Variants in GLO1 observed in about 807,000 individuals in gnomAD.
GLO1 encodes glyoxalase I, also known as lactoylglutathione lyase.
Under a neutral mutation model 26.0 loss-of-function variants are expected in GLO1, and 28 were observed. The ratio of observed to expected loss-of-function variants is 1.08; its 90% CI spans 0.80 to 1.48. GLO1 has a LOEUF of 1.48. GLO1 is among the 40% of genes most tolerant of loss of function. The probability of loss-of-function intolerance (pLI) is 0.00; values close to 1 mark genes in which losing one functional copy is unlikely to be tolerated. For synonymous variants in GLO1, 78 were observed against 77.6 expected, an observed-to-expected ratio of 1.00 and a Z score of -0.03; for missense variants, 225 against 224.8, an observed-to-expected ratio of 1.00 and a Z score of -0.01.
At position 38,686,960 on chromosome 6, in the gene GLO1, C is replaced by T. The variant is rs768570333; in HGVS notation, c.99G>A (p.Gln33=). 3.7e-6 allele frequency: 6 copies of T among 1,602,894 alleles called. No homozygotes were observed. In the Admixed American group the frequency reaches 5.0e-5, roughly 13 times the overall value. ...ADPSTKDFLL[Q]QTMLRVKDPK... is the part of the protein sequence containing the mutation. ...GATCCTTCACTCGTAGCATGGTCTGCTGCAATAGAAAATCCTATGGAAAAA... is the reference window on the plus strand; with the variant it reads ...GATCCTTCACTCGTAGCATGGTCTGTTGCAATAGAAAATCCTATGGAAAAA... Residue 33 remains glutamine, a synonymous_variant, in exon 2 of 6, where the codon CAG becomes CAA. Transcript: ENST00000373365.
intron 1 of GLO1, among the ~76,000 whole-genome samples, chr6:38,688,881 G>A (rs544932747): frequency 1.3e-5 from 2 of 152,340 alleles, no homozygotes; most frequent in Admixed American, 6.5e-5. Flanking sequence ...TTACTGAGGT[G>A]GATTCAATGT....
chr6:38,702,888 C>A (rs1243597426), intron 1 of GLO1, 83 bp downstream of exon 1: 3 of 757,070 alleles, frequency 4.0e-6, no homozygotes, highest in Admixed American at 5.1e-5. Context: ...CCTGCAGCGG[C>A]GGCGGGATGG....
At chr6:38,688,953 A>G (rs543649344) in intron 1 of GLO1, among the ~76,000 whole-genome samples, 101 of 152,354 alleles carry the variant, frequency 6.6e-4, no homozygotes, top group African/African-American at 2.3e-3. Context: ...CAAAGAAAGT[A>G]GAAGAGGAGT....
chr6:38,689,277 T>C (rs1050868402), intron 1 of GLO1, among the ~76,000 whole-genome samples: 1 of 152,234 alleles, frequency 6.6e-6, no homozygotes, highest in Non-Finnish European at 1.5e-5. Context: ...TATGGAATTA[T>C]GAGATAATAT....
At chr6:38,682,534 A>G (rs1303468916) in intron 4 of GLO1, among the ~76,000 whole-genome samples, 1 of 151,608 alleles carries the variant, frequency 6.6e-6, no homozygotes, top group African/African-American at 2.4e-5. Flanking sequence ...AGTATTAACT[A>G]CAGCTTTTTT....
chr6:38,697,301 C>T (rs183421569), intron 1 of GLO1, among the ~76,000 whole-genome samples: 3 of 152,322 alleles, frequency 2.0e-5, no homozygotes, highest in Admixed American at 6.5e-5. Flanking sequence ...TTACTCAAAA[C>T]GGTATCTGTT....
At chr6:38,677,802 T>A (rs1254990115) in intron 5 of GLO1, among the ~76,000 whole-genome samples, 1 of 152,182 alleles carries the variant, frequency 6.6e-6, no homozygotes, top group African/African-American at 2.4e-5. Context: ...AAAATTCTTA[T>A]TGTCAGAAAA....
intron 5 of GLO1, among the ~76,000 whole-genome samples, chr6:38,681,210 C>A (rs937123786): frequency 3.3e-5 from 5 of 152,010 alleles, no homozygotes; most frequent in South Asian, 2.1e-4. Flanking sequence ...CTATAGGCGC[C>A]CACCACCATG....
At chr6:38,694,910 G>A (rs940588603) in intron 1 of GLO1, among the ~76,000 whole-genome samples, 14 of 152,110 alleles carry the variant, frequency 9.2e-5, no homozygotes, top group African/African-American at 3.1e-4. Context: ...CTGATATCAA[G>A]ATAGCCACTC....
Position 38,693,760 on chromosome 6 carries a change from G to C in GLO1, c.85-6786C>G, listed in dbSNP as rs533119128. Among the ~76,000 whole-genome samples the C allele has an allele frequency of 5.7e-4, 86 of 151,110 alleles. 1 individual carries two copies. The highest frequency in any genetic ancestry group is 5.3e-3 in the Admixed American group (80 of 15,128). Reference sequence around the variant, plus strand: ...GAGTCTAGCTCTGTCACCCAGGCTGGAGTGCAGTGGAGCGATCTCGGCTCA... The same window carrying C: ...GAGTCTAGCTCTGTCACCCAGGCTGCAGTGCAGTGGAGCGATCTCGGCTCA... On this transcript the variant is annotated intron_variant, in intron 1 of 5. Transcript: ENST00000373365.
At chr6:38,677,405 T>G in intron 5 of GLO1, 22 bp from the exon 6 acceptor site, 1 of 1,017,280 alleles carries the variant, frequency 9.8e-7, no homozygotes, top group Non-Finnish European at 1.6e-6. Flanking sequence ...AAATTTTCAT[T>G]ATTGAAAAGA....
In GLO1 at chr6:38,677,078, A is replaced by G. The variant is rs761324247; in HGVS notation, c.*217T>C. ...TATTACCTAAAAAATAAAGTTACAC[A>G]ACTATATTCAAGGACATGAGATAAA... is the stretch of plus-strand genomic sequence containing the variant. On this transcript the variant is annotated 3_prime_UTR_variant, in exon 6 of 6. Coordinates refer to ENST00000373365, the MANE Select transcript of GLO1 (RefSeq NM_006708.3). The G allele has an allele frequency of 3.1e-5, 17 of 539,962 alleles. No homozygotes were observed. Among genetic ancestry groups the G allele is most frequent in the Non-Finnish European group, 4.5e-5 (14 of 310,418 alleles). 33.4% of individuals were successfully genotyped at this position (539,962 alleles called of 1,614,324 possible).
In GLO1 at chr6:38,677,307, T is replaced by C; in HGVS notation, c.543A>G (p.Ala181=). ...WIEILNPNKM[A]TLM ...AATTCTCACAGCACTACATTAAGGT[T>C]GCCATTTTGTTAGGATTCAAAATTT... Residue 181 remains alanine (A), a synonymous_variant, in exon 6 of 6, where the codon GCA becomes GCG. Transcript: ENST00000373365. The C allele has an allele frequency of 2.1e-6, 3 of 1,455,240 alleles. No individual in the cohort carries two copies. The highest frequency in any genetic ancestry group is 2.9e-6 in the Non-Finnish European group (3 of 1,035,018). The allele number at this position is 1,455,240 out of a possible 1,614,324, so 90.1% of individuals were successfully genotyped here.
In GLO1 at chr6:38,698,657, C is replaced by CTTT. The variant is rs34080103; in HGVS notation, c.84+4311_84+4313dup. 8.5e-4 allele frequency among the ~76,000 whole-genome samples: 94 copies of CTTT among 109,976 alleles called. 2 individuals carry two copies. The highest frequency in any genetic ancestry group is 1.0e-3 in the Non-Finnish European group (58 of 56,418). The allele number at this position is 109,976 out of a possible 152,430, so 72.1% of individuals were successfully genotyped here. ...TCACTACTTGGAAGGAGAACCTGAC[C>CTTT]TTTTTTTTTTTTTTTTTTTTGAGAC... is the stretch of plus-strand genomic sequence containing the variant. On this transcript the variant is annotated intron_variant, in intron 1 of 5. Coordinates refer to ENST00000373365, the MANE Select transcript of GLO1 (RefSeq NM_006708.3).
chr6:38,695,560 T>C (rs565450053), intron 1 of GLO1, among the ~76,000 whole-genome samples: 5 of 152,236 alleles, frequency 3.3e-5, no homozygotes, highest in African/African-American at 7.2e-5. Context: ...TGTGTCTCCA[T>C]TGATATGGCA....
In GLO1 at chr6:38,684,406, C is replaced by T. The variant is rs182114911; in HGVS notation, c.276G>A (p.Ala92=). ...PKEKDEKIAW[A]LSRKATLELT... Reference sequence around the variant, plus strand: ...GCTCAAGTGTAGCTTTTCTGGAGAGCGCCCAGGCTATTTTTTCATCTTTTT... The same window carrying T: ...GCTCAAGTGTAGCTTTTCTGGAGAGTGCCCAGGCTATTTTTTCATCTTTTT... The change falls in exon 3 of 6, where the codon GCG becomes GCA. Residue 92 remains alanine, a synonymous_variant. Coordinates refer to ENST00000373365, the MANE Select transcript of GLO1 (RefSeq NM_006708.3). The T allele has an allele frequency of 6.8e-5, 106 of 1,558,860 alleles. No homozygotes were observed. The Admixed American group carries it at 1.6e-3, about 24-fold the overall frequency.
intron 1 of GLO1, among the ~76,000 whole-genome samples, chr6:38,693,677 C>CTA (rs1482352322): frequency 3.0e-4 from 29 of 97,158 alleles, no homozygotes; most frequent in South Asian, 1.3e-3. Context: ...CTCTCTCTCT[C>CTA]TCTCTCTCTA....
chr6:38,702,450 G>A (rs996521955), intron 1 of GLO1, among the ~76,000 whole-genome samples: 1 of 151,960 alleles, frequency 6.6e-6, no homozygotes, highest in Non-Finnish European at 1.5e-5. Flanking sequence ...GCCCCACGAA[G>A]ATGAGGAAGG....
intron 1 of GLO1, among the ~76,000 whole-genome samples, chr6:38,692,818 T>C (rs1362927894): frequency 6.6e-6 from 1 of 150,978 alleles, no homozygotes; most frequent in East Asian, 1.9e-4. Context: ...CCTCTTAATA[T>C]GGTGGATTAT....
Sources: allele counts gnomAD v4.1 joint callset (sites outside exome capture counted in the v4.1 genomes callset), GRCh38; gene constraint gnomAD v4.1.1; transcripts MANE v1.5; gene names NCBI Gene and HGNC (gene_info 2026-07-23, HGNC 2026-07-21).